The following EPB41L4A variants were observed in gnomAD, a reference collection of about 807,000 sequenced individuals.
EPB41L4A encodes the protein erythrocyte membrane protein band 4.1 like 4A, also known as band 4.1-like protein 4A.
In EPB41L4A, 100 loss-of-function variants were observed where a neutral mutation model predicts 108.6. That is an observed-to-expected ratio of 0.92 (90% CI 0.78 to 1.09). EPB41L4A has a LOEUF of 1.09. Among genes scored for constraint, EPB41L4A ranks in the 50% least tolerant of loss-of-function variants. EPB41L4A has a pLI of 0.00. For synonymous variants in EPB41L4A, 319 were observed against 289.0 expected (o/e 1.10, Z -1.05); for missense variants, 1,030 against 842.7 (o/e 1.22, Z -2.75).
Position 112,204,488 on chromosome 5 carries a change from A to G in EPB41L4A, c.1263T>C (p.Ser421=). 4 of 1,603,946 alleles carry G rather than the reference A, an allele frequency of 2.5e-6. No homozygotes were observed. The highest frequency in any genetic ancestry group is 3.4e-6 in the Non-Finnish European group (4 of 1,170,890). Reference sequence around the variant, plus strand: ...GATCACTGGGAGAATTGTAGAGTCCACTGGAGAGAAAGAAAAATGGTCAAA... The same window carrying G: ...GATCACTGGGAGAATTGTAGAGTCCGCTGGAGAGAAAGAAAAATGGTCAAA... ...HAPWEENGPQ[S]GLYNSPSDRT... Residue 421 remains serine, a splice_region_variant and synonymous_variant, in exon 15 of 23, where the codon AGT becomes AGC. Coordinates refer to ENST00000261486, the MANE Select transcript of EPB41L4A (RefSeq NM_022140.5).
At chr5:112,213,289 T>C (rs999841502) in intron 12 of EPB41L4A, among the ~76,000 whole-genome samples, 2 of 152,096 alleles carry the variant, frequency 1.3e-5, no homozygotes, top group African/African-American at 2.4e-5. Flanking sequence ...ACTTAATTCA[T>C]GGTTCCTTTA....
At chr5:112,415,034 T>G (rs966682731) in intron 1 of EPB41L4A, among the ~76,000 whole-genome samples, 22 of 152,250 alleles carry the variant, frequency 1.4e-4, no homozygotes, top group African/African-American at 5.1e-4. Flanking sequence ...ACATATAAAC[T>G]TAATATAATT....
chr5:112,164,858 G>A lies in EPB41L4A; in HGVS notation c.*132C>T. On this transcript the variant is annotated 3_prime_UTR_variant, in exon 23 of 23. Coordinates refer to ENST00000261486, the MANE Select transcript of EPB41L4A (RefSeq NM_022140.5). ...AAAAAAAAAAAAAAAAGAAGCAAAA[G>A]ATAATGTATTTTCTCATGCTGAAGA... 3.5e-6 allele frequency: 3 copies of A among 847,216 alleles called. No homozygotes were observed. Among genetic ancestry groups the A allele is most frequent in the East Asian group, 3.1e-5 (1 of 32,268 alleles). 52.5% of individuals were successfully genotyped at this position (847,216 alleles called of 1,614,324 possible). A position where few individuals can be genotyped will look rare whatever the true frequency, so the allele number is the denominator to read the frequency against.
chr5:112,313,117 G>A (rs1466295361), intron 1 of EPB41L4A, among the ~76,000 whole-genome samples: 1 of 152,186 alleles, frequency 6.6e-6, no homozygotes, highest in Non-Finnish European at 1.5e-5. Context: ...GAAGAAAGGA[G>A]GATGATTATC....
intron 3 of EPB41L4A, 92 bp downstream of exon 3, chr5:112,280,180 C>T (rs1179400154): frequency 1.9e-6 from 2 of 1,066,922 alleles, no homozygotes; most frequent in East Asian, 2.4e-5. Flanking sequence ...CTTCTTTCTC[C>T]AGTACTAAAG....
At chr5:112,355,571 A>G (rs747822616) in intron 1 of EPB41L4A, among the ~76,000 whole-genome samples, 2 of 152,164 alleles carry the variant, frequency 1.3e-5, no homozygotes, top group Non-Finnish European at 2.9e-5. Flanking sequence ...TCCTCATTAG[A>G]AGTGAGGTTT....
At chr5:112,211,945 C>T (rs1762765962) in intron 12 of EPB41L4A, among the ~76,000 whole-genome samples, 1 of 152,076 alleles carries the variant, frequency 6.6e-6, no homozygotes, top group Non-Finnish European at 1.5e-5. Context: ...ATGCTGGAGC[C>T]ACTACCAATA....
chr5:112,412,338 G>A (rs1166703037), intron 1 of EPB41L4A, among the ~76,000 whole-genome samples: 1 of 152,196 alleles, frequency 6.6e-6, no homozygotes, highest in Admixed American at 6.5e-5. Flanking sequence ...AGCCTCCGAA[G>A]GAACTATTCC....
chr5:112,268,370 C>A (rs6898874), intron 4 of EPB41L4A, among the ~76,000 whole-genome samples: 2,478 of 151,984 alleles, frequency 0.016, 61 homozygotes, highest in African/African-American at 0.056. Context: ...AGAGCAAGAC[C>A]CTGTCTCAAA....
At chr5:112,215,559 G>A (rs1036795987) in intron 12 of EPB41L4A, among the ~76,000 whole-genome samples, 15 of 152,016 alleles carry the variant, frequency 9.9e-5, no homozygotes, top group East Asian at 1.9e-4. Flanking sequence ...TCAGGAGATC[G>A]AGACCATTCT....
rs533513043 is a variant in EPB41L4A at position 112,239,539 on chromosome 5, A to C, written c.965+121T>G. The stretch of plus-strand genomic sequence containing the variant: ...TTTAATAAACTGTTATGCTTACAAA[A>C]CACATTGGCAATGCAAGAAAAAAGA... On this transcript the variant is annotated intron_variant, in intron 11 of 22. Transcript: ENST00000261486. The C allele has an allele frequency of 2.5e-4, 136 of 534,180 alleles. 1 individual carries two copies. Among genetic ancestry groups the C allele is most frequent in the African/African-American group, 1.7e-3 (88 of 50,438 alleles). The allele number at this position is 534,180 out of a possible 1,614,324, so 33.1% of individuals were successfully genotyped here.
intron 12 of EPB41L4A, among the ~76,000 whole-genome samples, chr5:112,233,563 A>G (rs1383221856): frequency 1.3e-5 from 2 of 152,168 alleles, no homozygotes; most frequent in Non-Finnish European, 1.5e-5. Context: ...AGTTACCTCA[A>G]TAGTGCTCCT....
At chr5:112,184,782 C>G (rs1381000405) in intron 17 of EPB41L4A, among the ~76,000 whole-genome samples, 2 of 152,184 alleles carry the variant, frequency 1.3e-5, no homozygotes, top group African/African-American at 4.8e-5. Flanking sequence ...GTGGGAAAGA[C>G]TTGGAAGCAC....
At chr5:112,142,597 A>C (rs1759107427) in exon 14 of EPB41L4A, 1 of 152,222 alleles carries the variant, frequency 6.6e-6, no homozygotes, top group Non-Finnish European at 1.5e-5. Flanking sequence ...CTAAGAACAG[A>C]TTTATTTTAG....
At chr5:112,176,841 G>A (rs943243520) in intron 18 of EPB41L4A, among the ~76,000 whole-genome samples, 3 of 125,150 alleles carry the variant, frequency 2.4e-5, no homozygotes, top group Non-Finnish European at 4.7e-5. Context: ...TGCAACCTCC[G>A]CCTCCCAGCT....
intron 1 of EPB41L4A, among the ~76,000 whole-genome samples, chr5:112,371,145 G>A (rs1302453909): frequency 6.6e-6 from 1 of 152,148 alleles, no homozygotes; most frequent in Non-Finnish European, 1.5e-5. Context: ...TACATATTAT[G>A]TGTGTATACC....
chr5:112,167,887 T>C (rs1324699043), intron 22 of EPB41L4A, among the ~76,000 whole-genome samples: 2 of 152,230 alleles, frequency 1.3e-5, no homozygotes, highest in Non-Finnish European at 1.5e-5. Flanking sequence ...GGTGTCAGGC[T>C]TCTTACGTGG....
At chr5:112,419,921 G>GGGAGGCGGGGACCTGCGGGC (rs1762993737), upstream of EPB41L4A, 2 of 456,336 alleles carry the variant, frequency 4.4e-6, no homozygotes, top group African/African-American at 2.0e-5. Context: ...CAGCAAAGCG[G>GGGAGGCGGGGACCTGCGGGC]GGAGGCGGGG....
downstream of EPB41L4A, chr5:112,161,602 T>C (rs760313894): frequency 3.9e-6 from 2 of 519,210 alleles, no homozygotes; most frequent in Non-Finnish European, 7.7e-6. Context: ...GTGTAGGAGC[T>C]GCATAAGTAA....
Sources: allele counts gnomAD v4.1 joint callset (sites outside exome capture counted in the v4.1 genomes callset), GRCh38; gene constraint gnomAD v4.1.1; transcripts MANE v1.5; gene names NCBI Gene and HGNC (gene_info 2026-07-23, HGNC 2026-07-21).